KCNIP1: variants seen among roughly 807,000 people sequenced by gnomAD.
KCNIP1 encodes potassium voltage-gated channel interacting protein 1, also known as A-type potassium channel modulatory protein KCNIP1.
A neutral mutation model predicts 33.0 loss-of-function variants in KCNIP1; 18 were observed. That is an observed-to-expected ratio of 0.55 (90% confidence interval 0.38 to 0.81). The LOEUF (loss-of-function observed/expected upper bound fraction) is 0.81. Ranked by LOEUF, KCNIP1 falls within the 30% of genes least tolerant of loss-of-function variation. KCNIP1 has a pLI of 0.00. For missense variants in KCNIP1, 238 were observed against 271.6 expected (o/e 0.88, Z 0.87); for synonymous variants, 93 against 98.3 (o/e 0.95, Z 0.32).
At chr5:170,438,463 C>T (rs1755915444) in intron 1 of KCNIP1, among the ~76,000 whole-genome samples, 1 of 152,216 alleles carries the variant, frequency 6.6e-6, no homozygotes, top group South Asian at 2.1e-4. Flanking sequence ...GAAATCAATT[C>T]CTCATCTGAG....
At chr5:170,385,605 C>T in intron 1 of KCNIP1, 2 of 876,884 alleles carry the variant, frequency 2.3e-6, no homozygotes, top group Non-Finnish European at 3.5e-6. Flanking sequence ...TTTGCAACTT[C>T]CAGAAGTCTT....
intron 1 of KCNIP1, among the ~76,000 whole-genome samples, chr5:170,699,301 T>C (rs190369004): frequency 2.6e-5 from 4 of 152,218 alleles, no homozygotes; most frequent in Admixed American, 2.6e-4. Context: ...GGGTACATGA[T>C]AGATATTTTC....
chr5:170,672,383 C>G (rs1335505457), intron 1 of KCNIP1, among the ~76,000 whole-genome samples: 2 of 152,256 alleles, frequency 1.3e-5, no homozygotes, highest in Non-Finnish European at 2.9e-5. Context: ...GTCCATATTT[C>G]AAGTGAAGGA....
At chr5:170,646,405 G>T (rs1760787677) in intron 1 of KCNIP1, among the ~76,000 whole-genome samples, 1 of 152,138 alleles carries the variant, frequency 6.6e-6, no homozygotes, top group Admixed American at 6.5e-5. Context: ...GACCAAGTGA[G>T]ATTTATCCCA....
At chr5:170,620,595 C>T (rs539714674) in intron 1 of KCNIP1, among the ~76,000 whole-genome samples, 1 of 152,310 alleles carries the variant, frequency 6.6e-6, no homozygotes, top group African/African-American at 2.4e-5. Context: ...TGATGCCTGC[C>T]TGATCTATGG....
At chr5:170,392,556 C>T (rs1251732420) in intron 1 of KCNIP1, among the ~76,000 whole-genome samples, 1 of 152,164 alleles carries the variant, frequency 6.6e-6, no homozygotes, top group Non-Finnish European at 1.5e-5. Context: ...GGCATGGTGG[C>T]TCATGCCTGT....
intron 5 of KCNIP1, among the ~76,000 whole-genome samples, chr5:170,725,263 T>G (rs1763971541): frequency 6.6e-6 from 1 of 152,208 alleles, no homozygotes; most frequent in African/African-American, 2.4e-5. Context: ...AGCCAAGATT[T>G]GGAAGCAACC....
At chr5:170,533,433 T>C (rs1755855976) in intron 1 of KCNIP1, among the ~76,000 whole-genome samples, 1 of 152,148 alleles carries the variant, frequency 6.6e-6, no homozygotes. Flanking sequence ...GAAACTAATA[T>C]AGAGAGCTGA....
chr5:170,508,528 C>T (rs576738299), intron 1 of KCNIP1, among the ~76,000 whole-genome samples: 5 of 152,288 alleles, frequency 3.3e-5, no homozygotes, highest in African/African-American at 7.2e-5. Context: ...AAGCAGTAGC[C>T]GTGTTGTCAC....
intron 7 of KCNIP1, among the ~76,000 whole-genome samples, chr5:170,734,940 T>C (rs1447837751): frequency 6.6e-6 from 1 of 152,234 alleles, no homozygotes; most frequent in Admixed American, 6.5e-5. Flanking sequence ...CCAACCTTGA[T>C]TCCTCTCCCA....
At chr5:170,524,001 AC>A (rs746389202) in intron 1 of KCNIP1, among the ~76,000 whole-genome samples, 59 of 150,662 alleles carry the variant, frequency 3.9e-4, no homozygotes, top group Non-Finnish European at 6.8e-4. Flanking sequence ...TCCCAGCACC[AC>A]CCCCCAGTCC....
chr5:170,627,262 A>G (rs1332362197), intron 1 of KCNIP1, among the ~76,000 whole-genome samples: 5 of 152,174 alleles, frequency 3.3e-5, no homozygotes, highest in Non-Finnish European at 7.4e-5. Flanking sequence ...TTGGCCCCAA[A>G]CAACATGAGG....
intron 1 of KCNIP1, chr5:170,561,077 G>A (rs756323828): frequency 8.8e-6 from 4 of 455,758 alleles, no homozygotes; most frequent in Non-Finnish European, 1.3e-5. Context: ...GCTGTGCTGT[G>A]GGTTTGTTTC....
chr5:170,550,072 C>G (rs1241295252), intron 1 of KCNIP1, among the ~76,000 whole-genome samples: 1 of 152,120 alleles, frequency 6.6e-6, no homozygotes, highest in Non-Finnish European at 1.5e-5. Context: ...AAAGAAGTAG[C>G]AAGTGCCTAG....
chr5:170,561,368 G>A (rs1252779923), intron 1 of KCNIP1, among the ~76,000 whole-genome samples: 1 of 152,142 alleles, frequency 6.6e-6, no homozygotes, highest in East Asian at 1.9e-4. Flanking sequence ...GGTCCAAAGA[G>A]GCTAAAGTGG....
chr5:170,551,485 G>A (rs1208934871), intron 1 of KCNIP1, among the ~76,000 whole-genome samples: 1 of 152,212 alleles, frequency 6.6e-6, no homozygotes, highest in African/African-American at 2.4e-5. Context: ...CTTCTCCCAG[G>A]TTCTGTGTTG....
At chr5:170,488,956 G>A (rs1757150861) in intron 1 of KCNIP1, among the ~76,000 whole-genome samples, 1 of 152,238 alleles carries the variant, frequency 6.6e-6, no homozygotes, top group Admixed American at 6.5e-5. Context: ...ACTACAGTGA[G>A]GTGTGGGGTG....
chr5:170,372,525 G>A (rs570926144), intron 1 of KCNIP1, among the ~76,000 whole-genome samples: 37 of 152,172 alleles, frequency 2.4e-4, no homozygotes, highest in Non-Finnish European at 4.7e-4. Flanking sequence ...TGGTCCTTCT[G>A]GCAAGCAGCT....
At chr5:170,403,646 A>C (rs1754963413) in intron 1 of KCNIP1, among the ~76,000 whole-genome samples, 1 of 152,196 alleles carries the variant, frequency 6.6e-6, no homozygotes, top group Non-Finnish European at 1.5e-5. Context: ...CCCAAGGCCA[A>C]GTGCTCCTCT....
Sources: gnomAD v4.1 joint callset for allele counts (sites outside exome capture counted in the v4.1 genomes callset) on GRCh38, gnomAD v4.1.1 for gene constraint, MANE v1.5 for transcripts, NCBI Gene and HGNC (gene_info 2026-07-23, HGNC 2026-07-21) for gene names.